EZH2: variants seen among roughly 807,000 people sequenced by gnomAD.
EZH2 encodes the protein enhancer of zeste 2 polycomb repressive complex 2 subunit, also known as histone-lysine N-methyltransferase EZH2.
In EZH2, 18 loss-of-function variants were observed where a neutral mutation model predicts 98.4. The ratio of observed to expected loss-of-function variants is 0.18; its 90% CI spans 0.13 to 0.27. The LOEUF is 0.27. Ranked by LOEUF, EZH2 falls within the 10% of genes least tolerant of loss-of-function variation. EZH2 has a pLI of 1.00. For synonymous variants in EZH2, 338 were observed against 312.3 expected, an observed-to-expected ratio of 1.08 and a Z score of -0.87; for missense variants, 470 against 935.1, an observed-to-expected ratio of 0.50 and a Z score of 6.49.
intron 1 of EZH2, among the ~76,000 whole-genome samples, chr7:148,853,229 T>C (rs1056325703): frequency 6.6e-6 from 1 of 152,162 alleles, no homozygotes; most frequent in African/African-American, 2.4e-5. Flanking sequence ...CTGGCCAACA[T>C]GGTAAAACCC....
At position 148,819,664 on chromosome 7, in the gene EZH2, A is replaced by G; in HGVS notation, c.931T>C (p.Tyr311His). ...GCTGTTTCTGTGTTCTTCCGCTTAT[A>G]AGTGTTGGGTGTTGCATGAAAAGCT... Reference protein sequence around the residue: ...NYSFHATPNTYKRKNTETALD... With the variant: ...NYSFHATPNTHKRKNTETALD... The change falls in exon 9 of 20, where the codon TAT (tyrosine) becomes CAT (histidine). Residue 311 changes from tyrosine (Y) to histidine (H), a missense_variant. This residue lies in a region of EZH2 where 192 missense variants were observed against 306.8 expected (regional missense o/e 0.63). Transcript: ENST00000320356. 1.9e-6 allele frequency: 3 copies of G among 1,614,134 alleles called. No individual in the cohort carries two copies. The highest frequency in any genetic ancestry group is 2.5e-6 in the Non-Finnish European group (3 of 1,179,974).
chr7:148,817,974 C>T lies in EZH2; in HGVS notation c.1143G>A (p.Lys381=). The change falls in exon 10 of 20, where the codon AAG becomes AAA. Residue 381 remains lysine (K), a synonymous_variant. Transcript: ENST00000320356. ...STPTINVLES[K]DTDSDREAGT... is the part of the protein sequence containing the mutation. ...CTGCTTCCCTATCACTGTCTGTATC[C>T]TTTGATTCCAGCACATTAATGGTGG... The T allele has an allele frequency of 1.2e-6, 2 of 1,614,038 alleles. No homozygotes were observed. The highest frequency in any genetic ancestry group is 1.7e-6 in the Non-Finnish European group (2 of 1,180,002).
chr7:148,810,690 C>T (rs1015890728), intron 16 of EZH2, among the ~76,000 whole-genome samples: 2 of 152,048 alleles, frequency 1.3e-5, no homozygotes, highest in South Asian at 2.1e-4. Flanking sequence ...TTAAAAAAGC[C>T]GGCTGCAGTG....
At position 148,807,643 on chromosome 7, in the gene EZH2, A is replaced by AT. The variant is rs754610785; in HGVS notation, c.*2dup. On this transcript the variant is annotated 3_prime_UTR_variant, in exon 20 of 20. Transcript: ENST00000320356. ...CAGAGGAGGGGGGAGGAGGTAGCAG[A>AT]TGTCAAGGGATTTCCATTTCTCTTT... 1 of 1,594,498 alleles carries AT rather than the reference A, an allele frequency of 6.3e-7. No individual in the cohort carries two copies. Among genetic ancestry groups the AT allele is most frequent in the Admixed American group, 1.7e-5 (1 of 57,408 alleles).
intron 1 of EZH2, among the ~76,000 whole-genome samples, chr7:148,873,348 C>T (rs546726808): frequency 2.6e-5 from 4 of 151,900 alleles, no homozygotes; most frequent in African/African-American, 7.2e-5. Flanking sequence ...AAAAACTAGC[C>T]GGGCGTAGTG....
At chr7:148,881,448 C>T (rs1205685440) in intron 1 of EZH2, among the ~76,000 whole-genome samples, 4 of 152,188 alleles carry the variant, frequency 2.6e-5, no homozygotes, top group African/African-American at 4.8e-5. Context: ...CTTTTTCTAA[C>T]TACACTAGAT....
At chr7:148,837,733 G>A (rs1485410808) in intron 3 of EZH2, among the ~76,000 whole-genome samples, 1 of 152,212 alleles carries the variant, frequency 6.6e-6, no homozygotes, top group Non-Finnish European at 1.5e-5. Context: ...TCCAACAGGA[G>A]AGAGGCAGAA....
At chr7:148,851,710 T>A (rs1815819429) in intron 1 of EZH2, among the ~76,000 whole-genome samples, 1 of 151,918 alleles carries the variant, frequency 6.6e-6, no homozygotes, top group African/African-American at 2.4e-5. Context: ...AATCAATAAA[T>A]AAGCAAGCAA....
At chr7:148,882,950 A>G (rs922927446) in intron 1 of EZH2, among the ~76,000 whole-genome samples, 1 of 152,250 alleles carries the variant, frequency 6.6e-6, no homozygotes, top group African/African-American at 2.4e-5. Context: ...TTCACAGAAA[A>G]CGAGACCAAT....
chr7:148,837,186 G>C (rs1811120309), intron 3 of EZH2, among the ~76,000 whole-genome samples: 1 of 152,180 alleles, frequency 6.6e-6, no homozygotes, highest in Admixed American at 6.5e-5. Context: ...TCTTTAACAT[G>C]AGAAAGGCTA....
chr7:148,873,617 AC>A (rs1819780000), intron 1 of EZH2, among the ~76,000 whole-genome samples: 2 of 140,276 alleles, frequency 1.4e-5, no homozygotes, highest in African/African-American at 2.8e-5. Flanking sequence ...ACTTTGATCA[AC>A]AGTCTACCAA....
chr7:148,821,741 G>A (rs1430822250), intron 8 of EZH2, among the ~76,000 whole-genome samples: 2 of 152,210 alleles, frequency 1.3e-5, no homozygotes, highest in Non-Finnish European at 2.9e-5. Context: ...TAGGAGAAGA[G>A]CTTGAGCTCA....
chr7:148,852,866 G>T (rs1352181346), intron 1 of EZH2, among the ~76,000 whole-genome samples: 1 of 152,034 alleles, frequency 6.6e-6, no homozygotes, highest in Non-Finnish European at 1.5e-5. Flanking sequence ...ATATACAGTT[G>T]TTCCTCCATA....
intron 1 of EZH2, among the ~76,000 whole-genome samples, chr7:148,849,966 G>A (rs1719223733): frequency 6.6e-6 from 1 of 152,154 alleles, no homozygotes; most frequent in African/African-American, 2.4e-5. Context: ...TGTGCAATAA[G>A]GCCTAGGGTA....
chr7:148,881,226 G>C (rs539613281), intron 1 of EZH2, among the ~76,000 whole-genome samples: 15 of 152,264 alleles, frequency 9.9e-5, no homozygotes, highest in Admixed American at 5.2e-4. Flanking sequence ...TTTTTAAAAA[G>C]CAGATCAACT....
intron 1 of EZH2, among the ~76,000 whole-genome samples, chr7:148,865,987 C>A (rs1818383800): frequency 6.6e-6 from 1 of 152,138 alleles, no homozygotes; most frequent in Admixed American, 6.5e-5. Flanking sequence ...AACAGAACCC[C>A]TCACTGAAGC....
intron 1 of EZH2, among the ~76,000 whole-genome samples, chr7:148,881,529 T>G (rs1309485639): frequency 6.6e-6 from 1 of 152,156 alleles, no homozygotes. Context: ...AGAAAATAAT[T>G]TAATATGAAT....
intron 8 of EZH2, among the ~76,000 whole-genome samples, chr7:148,820,173 T>G (rs1396760254): frequency 6.6e-6 from 1 of 152,226 alleles, no homozygotes; most frequent in Non-Finnish European, 1.5e-5. Flanking sequence ...TAACATTCAA[T>G]TCCTGTGAAT....
intron 1 of EZH2, among the ~76,000 whole-genome samples, chr7:148,871,368 A>G (rs112176133): frequency 1.3e-5 from 2 of 149,298 alleles, no homozygotes; most frequent in African/African-American, 5.0e-5. Context: ...CAGCATATGC[A>G]GAAGAGTGGT....
Sources: allele counts gnomAD v4.1 joint callset (sites outside exome capture counted in the v4.1 genomes callset), GRCh38; gene constraint gnomAD v4.1.1; regional missense constraint gnomAD v4.1.1; transcripts MANE v1.5; gene names NCBI Gene and HGNC (gene_info 2026-07-23, HGNC 2026-07-21).